The following MED15 variants were observed in gnomAD, a reference collection of about 807,000 sequenced individuals.
MED15 encodes mediator complex subunit 15.
Under a neutral mutation model 118.7 loss-of-function variants are expected in MED15, and 41 were observed. The observed-to-expected ratio is 0.35, with a 90% CI of 0.27 to 0.45. The LOEUF (loss-of-function observed/expected upper bound fraction) is 0.45, where lower values mean the gene tolerates loss of function less well. MED15 is among the 20% of genes least tolerant of loss of function. The probability of loss-of-function intolerance (pLI) is 1.00; values close to 1 mark genes in which losing one functional copy is unlikely to be tolerated. For missense variants in MED15, 740 were observed against 1,025.5 expected, an observed-to-expected ratio of 0.72 and a Z score of 3.80; for synonymous variants, 436 against 413.9, an observed-to-expected ratio of 1.05 and a Z score of -0.65.
intron 9 of MED15, chr22:20,582,336 G>T: frequency 1.8e-6 from 1 of 548,804 alleles, no homozygotes; most frequent in Non-Finnish European, 3.2e-6. Context: ...ACACTCCCAC[G>T]ACACAGCCCT....
At chr22:20,584,122 G>T in intron 13 of MED15, 1 of 568,832 alleles carries the variant, frequency 1.8e-6, no homozygotes, top group Non-Finnish European at 3.1e-6. Context: ...GCCTGATCAG[G>T]GGCCTGGCCA....
At chr22:20,554,428 A>G (rs551828498) in intron 4 of MED15, 2 of 153,136 alleles carry the variant, frequency 1.3e-5, no homozygotes, top group Non-Finnish European at 2.9e-5. Context: ...CTGTTCTGGC[A>G]TGGTGGCCCT....
rs767166100 is a variant in MED15 at position 20,553,171 on chromosome 22, A to G, written c.235A>G (p.Ser79Gly). The stretch of plus-strand genomic sequence containing the variant: ...TAACAAGAAATCTCAAGCTTCCGTC[A>G]GTGGTAAGAGTTTTCCCTTTTGAGT... ...IHNKKSQASV[S>G]DPMNALQSLT... Residue 79 changes from serine to glycine, a missense_variant, in exon 4 of 18, where the codon AGT becomes GGT. By Grantham distance (56) the Ser-to-Gly change is moderately conservative (BLOSUM62 0). This residue lies in a region of MED15 where 117 missense variants were observed against 124.6 expected (regional missense o/e 0.94). Transcript: ENST00000263205. 18 of 1,612,054 alleles carry G rather than the reference A, an allele frequency of 1.1e-5. No individual in the cohort carries two copies. The highest frequency in any genetic ancestry group is 1.4e-5 in the Non-Finnish European group (17 of 1,178,934).
chr22:20,555,156 C>G lies in MED15; in HGVS notation c.451+8C>G. On this transcript the variant is annotated splice_region_variant and intron_variant, in intron 5 of 17. Transcript: ENST00000263205. ...CTACGGCAACTCCACAGAGTGAGTA[C>G]CACACTTCTTGGAGGATTTGCCGCT... 6.3e-7 allele frequency: 1 copy of G among 1,583,284 alleles called. No homozygotes were observed.
At chr22:20,523,713 C>T in intron 1 of MED15, 3 of 985,442 alleles carry the variant, frequency 3.0e-6, no homozygotes, top group South Asian at 9.4e-5. Flanking sequence ...AGCACCAGGA[C>T]AGAGATCTCG....
chr22:20,534,398 G>A (rs972632006), intron 1 of MED15, among the ~76,000 whole-genome samples: 1 of 152,126 alleles, frequency 6.6e-6, no homozygotes, highest in African/African-American at 2.4e-5. Flanking sequence ...GGTGGCGCAT[G>A]CCTGTAGTCC....
rs1039875033 is a variant in MED15, at chr22:20,508,335, G to A, written c.68+589G>A. On this transcript the variant is annotated intron_variant, in intron 1 of 17. Transcript: ENST00000263205. ...CTGGAGGAGAGCGTGAAGAGCTGGG[G>A]TCAGTGGCCCCGCTCAGAGGAACTC... 1.9e-5 allele frequency: 25 copies of A among 1,304,134 alleles called. No individual in the cohort carries two copies. In the African/African-American group the frequency reaches 3.2e-4, roughly 17 times the overall value. The allele number at this position is 1,304,134 out of a possible 1,614,324, so 80.8% of individuals were successfully genotyped here.
At chr22:20,567,729 G>T (rs866167888) in intron 7 of MED15, among the ~76,000 whole-genome samples, 4 of 152,280 alleles carry the variant, frequency 2.6e-5, no homozygotes, top group South Asian at 2.1e-4. Context: ...GCCCTGGCAG[G>T]GTTTGCCCTG....
At position 20,577,456 on chromosome 22, in the gene MED15, C is replaced by T. The variant is rs576211; in HGVS notation, c.1272+2224C>T. Among the ~76,000 whole-genome samples, 915 of 151,102 alleles carry T rather than the reference C, an allele frequency of 6.1e-3. 10 individuals are homozygous for T. The highest frequency in any genetic ancestry group is 0.021 in the African/African-American group (872 of 41,236). On this transcript the variant is annotated intron_variant, in intron 9 of 17. Transcript: ENST00000263205. The stretch of plus-strand genomic sequence containing the variant: ...TCCCAAACCCACTCAGTCTTTCCCT[C>T]CCCAGCCTTCCCTGGCCCTTAGATT...
intron 1 of MED15, among the ~76,000 whole-genome samples, chr22:20,535,563 C>CTTT (rs574158276): frequency 6.9e-6 from 1 of 144,472 alleles, no homozygotes. Flanking sequence ...TGCTTTCTTT[C>CTTT]TTTTTTTTTT....
intron 9 of MED15, among the ~76,000 whole-genome samples, chr22:20,580,778 C>A (rs1237118427): frequency 6.6e-6 from 1 of 152,226 alleles, no homozygotes; most frequent in African/African-American, 2.4e-5. Context: ...CACCCCAGCA[C>A]CGTGAATGCA....
chr22:20,531,425 C>T (rs559837896), intron 1 of MED15, among the ~76,000 whole-genome samples: 18 of 152,336 alleles, frequency 1.2e-4, no homozygotes, highest in African/African-American at 3.8e-4. Flanking sequence ...GAAGAGGTTA[C>T]GCTTTAGGGG....
intron 1 of MED15, among the ~76,000 whole-genome samples, chr22:20,510,318 G>C (rs1048150645): frequency 3.9e-5 from 6 of 152,074 alleles, no homozygotes; most frequent in African/African-American, 1.4e-4. Flanking sequence ...CCCGGGAGGC[G>C]GAGGTTGCAG....
chr22:20,536,605 A>G (rs2055090544), intron 1 of MED15, among the ~76,000 whole-genome samples: 2 of 152,328 alleles, frequency 1.3e-5, no homozygotes, highest in South Asian at 2.1e-4. Context: ...TAGGACCTGC[A>G]TTGTCCCACA....
chr22:20,523,920 C>T (rs1322440853), intron 1 of MED15: 20 of 854,164 alleles, frequency 2.3e-5, no homozygotes, highest in Non-Finnish European at 2.8e-5. Flanking sequence ...GGCAAGAAAG[C>T]GTCATCAAGC....
At chr22:20,552,965 G>A in intron 3 of MED15, 180 bp from the exon 4 acceptor site, 2 of 591,556 alleles carry the variant, frequency 3.4e-6, no homozygotes, top group East Asian at 3.0e-5. Context: ...TCTGCCCCCA[G>A]GTCTCTTGTG....
Position 20,566,733 on chromosome 22 carries a change from G to A in MED15, c.957G>A (p.Pro319=), listed in dbSNP as rs372981327. 29 of 1,614,012 alleles carry A rather than the reference G, an allele frequency of 1.8e-5. No individual in the cohort carries two copies. Among genetic ancestry groups the A allele is most frequent in the East Asian group, 4.5e-5 (2 of 44,894 alleles). Residue 319 remains proline, a synonymous_variant, in exon 7 of 18, where the codon CCG becomes CCA. Coordinates refer to ENST00000263205, the MANE Select transcript of MED15 (RefSeq NM_001003891.3). ...PVAQNQPSQL[P]PQSQTQPLVS... ...CTCAGAACCAACCATCACAACTCCC[G>A]CCACAGTCGCAGACCCAGCCTTTGG...
chr22:20,526,659 A>G (rs1038671957), intron 1 of MED15, among the ~76,000 whole-genome samples: 5 of 152,136 alleles, frequency 3.3e-5, no homozygotes, highest in African/African-American at 9.7e-5. Context: ...CAGTACAGTT[A>G]TCTTCAGGCT....
intron 16 of MED15, chr22:20,585,520 G>A: frequency 1.5e-6 from 1 of 684,538 alleles, no homozygotes; most frequent in South Asian, 1.9e-5. Flanking sequence ...CCCTAGGGAG[G>A]TGGTAGGCAG....
Sources: allele counts gnomAD v4.1 joint callset (sites outside exome capture counted in the v4.1 genomes callset), GRCh38; gene constraint gnomAD v4.1.1; regional missense constraint gnomAD v4.1.1; transcripts MANE v1.5; gene names NCBI Gene and HGNC (gene_info 2026-07-23, HGNC 2026-07-21).